FKBP5: variants seen among roughly 807,000 people sequenced by gnomAD.
FKBP5 encodes the protein FKBP prolyl isomerase 5.
A neutral mutation model predicts 50.5 loss-of-function variants in FKBP5; 23 were observed. The ratio of observed to expected loss-of-function variants is 0.46; its 90% CI spans 0.33 to 0.65. The LOEUF (loss-of-function observed/expected upper bound fraction) is 0.65. FKBP5 is among the 30% of genes least tolerant of loss of function. FKBP5 has a pLI of 0.02. For synonymous variants in FKBP5, 176 were observed against 190.6 expected, an observed-to-expected ratio of 0.92 and a Z score of 0.63; for missense variants, 411 against 553.1, an observed-to-expected ratio of 0.74 and a Z score of 2.58.
chr6:35,637,410 A>C (rs1764344492), intron 2 of FKBP5, among the ~76,000 whole-genome samples: 1 of 151,662 alleles, frequency 6.6e-6, no homozygotes, highest in African/African-American at 2.4e-5. Flanking sequence ...GAATTAACCA[A>C]TAAATCCTGT....
chr6:35,640,300 C>T (rs1764446070), intron 2 of FKBP5, among the ~76,000 whole-genome samples: 2 of 152,144 alleles, frequency 1.3e-5, no homozygotes, highest in Non-Finnish European at 2.9e-5. Flanking sequence ...TGTGTTACTG[C>T]ACTGAATACT....
At chr6:35,667,461 T>C (rs1303302044) in intron 1 of FKBP5, among the ~76,000 whole-genome samples, 2 of 152,236 alleles carry the variant, frequency 1.3e-5, no homozygotes, top group Admixed American at 6.5e-5. Flanking sequence ...AGAATCATTA[T>C]ATCAACCAAA....
chr6:35,615,820 G>A (rs1763636111), intron 5 of FKBP5, among the ~76,000 whole-genome samples: 1 of 152,194 alleles, frequency 6.6e-6, no homozygotes, highest in African/African-American at 2.4e-5. Flanking sequence ...CGTTGCAGTA[G>A]TGAAACATGG....
At position 35,577,772 on chromosome 6, in the gene FKBP5, A is replaced by T. The variant is rs1762267455; in HGVS notation, c.1027-539T>A. Among the ~76,000 whole-genome samples, 5 of 152,292 alleles carry T rather than the reference A, an allele frequency of 3.3e-5. No individual in the cohort carries two copies. In the South Asian group the frequency reaches 1.0e-3, roughly 32 times the overall value. ...GCTATCCACATAGAAAATAAGAGTTAAGGCCGGGTGCAGTGGTTCACACCC... is the reference window on the plus strand; with the variant it reads ...GCTATCCACATAGAAAATAAGAGTTTAGGCCGGGTGCAGTGGTTCACACCC... On this transcript the variant is annotated intron_variant, in intron 9 of 10. Coordinates refer to ENST00000357266, the MANE Select transcript of FKBP5 (RefSeq NM_004117.4).
rs979298204 is a variant in FKBP5 at position 35,718,226 on chromosome 6, C to T, written c.-20+2102G>A. ...GGCATTCCAGGCGGCAGAAACAACT[C>T]GAGCAAAGGCACAGAGGCGGGAAAA... is the stretch of plus-strand genomic sequence containing the variant. On this transcript the variant is annotated intron_variant, in intron 2 of 11. Coordinates refer to the FKBP5 transcript ENST00000536438. Among the ~76,000 whole-genome samples, 60 of 152,174 alleles carry T rather than the reference C, an allele frequency of 3.9e-4. 1 individual carries two copies. The highest frequency in any genetic ancestry group is 1.8e-4 in the Non-Finnish European group (12 of 68,024).
intron 5 of FKBP5, among the ~76,000 whole-genome samples, chr6:35,611,400 T>C (rs114522928): frequency 3.4e-4 from 52 of 152,284 alleles, no homozygotes; most frequent in African/African-American, 1.2e-3. Context: ...CATTCAAATG[T>C]GGCTGAAAGT....
chr6:35,640,289 T>C (rs1764445912), intron 2 of FKBP5, among the ~76,000 whole-genome samples: 1 of 152,232 alleles, frequency 6.6e-6, no homozygotes. Flanking sequence ...AACCTGTACA[T>C]TGTGTTACTG....
chr6:35,709,245 A>T (rs1766374841), intron 2 of FKBP5, among the ~76,000 whole-genome samples: 1 of 152,122 alleles, frequency 6.6e-6, no homozygotes, highest in South Asian at 2.1e-4. Context: ...GAACCATTGG[A>T]TCTCGTGAGA....
At chr6:35,671,023 C>G (rs1765372315) in intron 1 of FKBP5, among the ~76,000 whole-genome samples, 1 of 151,882 alleles carries the variant, frequency 6.6e-6, no homozygotes, top group African/African-American at 2.4e-5. Context: ...CTTTCTGAGG[C>G]CAAAGTGAGA....
At chr6:35,675,233 C>A (rs1316410648) in intron 1 of FKBP5, among the ~76,000 whole-genome samples, 1 of 152,246 alleles carries the variant, frequency 6.6e-6, no homozygotes, top group Non-Finnish European at 1.5e-5. Flanking sequence ...ATAAGATTCA[C>A]TGAAGTCTTA....
In FKBP5 at chr6:35,659,448, T is replaced by C. The variant is rs1032965285; in HGVS notation, c.-19-16605A>G. Among the ~76,000 whole-genome samples, 6 of 83,406 alleles carry C rather than the reference T, an allele frequency of 7.2e-5. 3 individuals carry two copies. Among genetic ancestry groups the C allele is most frequent in the Non-Finnish European group, 1.6e-4 (6 of 36,402 alleles). 54.7% of individuals were successfully genotyped at this position (83,406 alleles called of 152,430 possible). ...TTTTAGTAGAGATGGGGTTTCTCCA[T>C]GTTGGTCAGGCCGGTCTCAAAGTCC... On this transcript the variant is annotated intron_variant, in intron 1 of 10. Coordinates refer to ENST00000357266, the MANE Select transcript of FKBP5 (RefSeq NM_004117.4).
chr6:35,611,158 C>G (rs1763480111), intron 5 of FKBP5, among the ~76,000 whole-genome samples: 1 of 152,166 alleles, frequency 6.6e-6, no homozygotes, highest in Non-Finnish European at 1.5e-5. Context: ...TCAACTTCAT[C>G]AACTTTACAT....
intron 2 of FKBP5, among the ~76,000 whole-genome samples, chr6:35,715,904 G>A (rs1766503665): frequency 6.6e-6 from 1 of 152,196 alleles, no homozygotes; most frequent in Admixed American, 6.5e-5. Flanking sequence ...TAGAAACCCT[G>A]GGAGGGAAGT....
At chr6:35,630,511 C>T (rs1452155908) in intron 3 of FKBP5, among the ~76,000 whole-genome samples, 1 of 152,152 alleles carries the variant, frequency 6.6e-6, no homozygotes, top group Non-Finnish European at 1.5e-5. Context: ...CGTGCCACTG[C>T]ACTCCAGCCT....
Position 35,685,896 on chromosome 6 carries a change from C to T in FKBP5, c.-20+2908G>A, listed in dbSNP as rs554766107. Among the ~76,000 whole-genome samples, 7 of 150,078 alleles carry T rather than the reference C, an allele frequency of 4.7e-5. No individual in the cohort carries two copies. In the East Asian group the frequency reaches 1.0e-3, roughly 21 times the overall value. Reference sequence around the variant, plus strand: ...ACTCAGGAGGCTGAGGCAGGAGAATCGCTTGAACCCGGGAGGCAGAGGTTG... The same window carrying T: ...ACTCAGGAGGCTGAGGCAGGAGAATTGCTTGAACCCGGGAGGCAGAGGTTG... On this transcript the variant is annotated intron_variant, in intron 1 of 10. Coordinates refer to ENST00000357266, the MANE Select transcript of FKBP5 (RefSeq NM_004117.4).
chr6:35,599,320 C>G (rs150608854), intron 5 of FKBP5, among the ~76,000 whole-genome samples: 1 of 152,200 alleles, frequency 6.6e-6, no homozygotes, highest in East Asian at 1.9e-4. Context: ...GTCCAGAAAC[C>G]AGCTTCAAAT....
chr6:35,639,794 T>C lies in FKBP5; in HGVS notation c.106-2636A>G, dbSNP rs1360780. Among the ~76,000 whole-genome samples, 102,294 of 152,130 alleles carry C rather than the reference T, an allele frequency of 0.67. 34,608 individuals are homozygous for C. The highest frequency in any genetic ancestry group is 0.74 in the East Asian group (3,825 of 5,184). ...GAAGGCTTTCACATAAGCAAAGTTATACAAAACAAAAATTCTTACTTGCTA... is the reference window on the plus strand; with the variant it reads ...GAAGGCTTTCACATAAGCAAAGTTACACAAAACAAAAATTCTTACTTGCTA... On this transcript the variant is annotated intron_variant, in intron 2 of 10. Transcript: ENST00000357266.
intron 8 of FKBP5, chr6:35,583,374 A>C: frequency 1.0e-6 from 1 of 985,478 alleles, no homozygotes; most frequent in Non-Finnish European, 1.2e-6. Context: ...AGAATGGTAG[A>C]AGGCCATGGT....
intron 1 of FKBP5, among the ~76,000 whole-genome samples, chr6:35,647,799 C>T (rs1485587735): frequency 2.6e-5 from 4 of 152,184 alleles, no homozygotes; most frequent in East Asian, 1.9e-4. Context: ...TCAGACCCAT[C>T]GAAAGGATAT....
Sources: gnomAD v4.1 joint callset for allele counts (sites outside exome capture counted in the v4.1 genomes callset) on GRCh38, gnomAD v4.1.1 for gene constraint, MANE v1.5 for transcripts, NCBI Gene and HGNC (gene_info 2026-07-23, HGNC 2026-07-21) for gene names.